Variants in TMEM192 observed in about 807,000 individuals in gnomAD.
The protein encoded by TMEM192 is transmembrane protein 192.
In TMEM192, 20 loss-of-function variants were observed where a neutral mutation model predicts 26.7. That is an observed-to-expected ratio of 0.75 (90% confidence interval 0.53 to 1.09). TMEM192 has a LOEUF of 1.09. Among genes scored for constraint, TMEM192 ranks in the 50% least tolerant of loss-of-function variants. The probability of loss-of-function intolerance (pLI) is 0.00; values close to 1 mark genes in which losing one functional copy is unlikely to be tolerated. For missense variants in TMEM192, 304 were observed against 322.6 expected (o/e 0.94, Z 0.44); for synonymous variants, 124 against 121.0 (o/e 1.02, Z -0.16).
chr4:165,088,683 C>A, intron 3 of TMEM192, 81 bp from the exon 4 acceptor site: 1 of 1,383,502 alleles, frequency 7.2e-7, no homozygotes, highest in South Asian at 1.5e-5. Flanking sequence ...TGGTCTTTGT[C>A]TGGTTCCTTA....
chr4:165,112,644 A>T (rs1735322480), intron 1 of TMEM192, 103 bp downstream of exon 1: 4 of 1,521,106 alleles, frequency 2.6e-6, no homozygotes, highest in Admixed American at 3.8e-5. Context: ...CCGCGGCCGC[A>T]GTCGCCAAGG....
intron 3 of TMEM192, among the ~76,000 whole-genome samples, chr4:165,097,566 AG>A (rs1734940835): frequency 7.8e-6 from 1 of 127,996 alleles, no homozygotes; most frequent in Non-Finnish European, 1.6e-5. Context: ...AATTCTGTGG[AG>A]CCTTTTTTTT....
chr4:165,089,260 C>A (rs1273338930), intron 3 of TMEM192, among the ~76,000 whole-genome samples: 1 of 151,604 alleles, frequency 6.6e-6, no homozygotes, highest in Non-Finnish European at 1.5e-5. Context: ...AACCCTCCTG[C>A]CATATAGGGC....
At chr4:165,105,414 C>A (rs539307324) in intron 1 of TMEM192, among the ~76,000 whole-genome samples, 1 of 152,292 alleles carries the variant, frequency 6.6e-6, no homozygotes, top group Admixed American at 6.5e-5. Context: ...TAAGGGCAAA[C>A]TGCCTGGATT....
chr4:165,096,548 T>C (rs919473239), intron 3 of TMEM192, among the ~76,000 whole-genome samples: 9 of 151,620 alleles, frequency 5.9e-5, no homozygotes, highest in African/African-American at 2.2e-4. Context: ...CTCTGGAAAA[T>C]AACAAAATAT....
chr4:165,080,442 G>GATGATA (rs1734493789), intron 5 of TMEM192, among the ~76,000 whole-genome samples: 1 of 152,092 alleles, frequency 6.6e-6, no homozygotes. Flanking sequence ...GAATAGTGAT[G>GATGATA]ATGATAATGA....
intron 3 of TMEM192, among the ~76,000 whole-genome samples, chr4:165,090,213 G>GGAAA (rs752886922): frequency 3.1e-4 from 16 of 52,068 alleles, no homozygotes; most frequent in African/African-American, 5.5e-4. Context: ...CTCCGTCTTG[G>GGAAA]AAAAAAAAAA....
At chr4:165,084,545 T>A (rs1361821510) in intron 5 of TMEM192, among the ~76,000 whole-genome samples, 1 of 152,030 alleles carries the variant, frequency 6.6e-6, no homozygotes, top group Admixed American at 6.6e-5. Flanking sequence ...TCTGTTGCTA[T>A]CCACTTCAGA....
At chr4:165,109,291 T>C (rs1016988078) in intron 1 of TMEM192, among the ~76,000 whole-genome samples, 1 of 152,246 alleles carries the variant, frequency 6.6e-6, no homozygotes, top group Non-Finnish European at 1.5e-5. Context: ...GTGTTCAATA[T>C]GCGTGTTGAG....
intron 1 of TMEM192, among the ~76,000 whole-genome samples, chr4:165,104,595 A>G (rs1339585786): frequency 2.0e-5 from 3 of 152,138 alleles, no homozygotes; most frequent in African/African-American, 4.8e-5. Context: ...CAGTGGCTCA[A>G]TCTCGGCTCA....
intron 5 of TMEM192, among the ~76,000 whole-genome samples, chr4:165,081,233 CTCTT>C (rs1254243133): frequency 6.4e-5 from 3 of 46,732 alleles, no homozygotes; most frequent in African/African-American, 8.5e-5. Flanking sequence ...GAACCTCCCA[CTCTT>C]TTTTTTTTTT....
At chr4:165,111,398 G>C (rs567723589) in intron 1 of TMEM192, among the ~76,000 whole-genome samples, 4 of 152,260 alleles carry the variant, frequency 2.6e-5, no homozygotes, top group Non-Finnish European at 5.9e-5. Flanking sequence ...CCATCCCCAG[G>C]CTCCAGTGTT....
chr4:165,091,844 G>A (rs1330888463), intron 3 of TMEM192, among the ~76,000 whole-genome samples: 1 of 152,110 alleles, frequency 6.6e-6, no homozygotes, highest in Non-Finnish European at 1.5e-5. Flanking sequence ...ATTTTTAGAA[G>A]TTTGCATTTA....
At position 165,100,686 on chromosome 4, in the gene TMEM192, G is replaced by A. The variant is rs1463048641; in HGVS notation, c.381C>T (p.Asn127=). The A allele has an allele frequency of 1.9e-6, 3 of 1,614,134 alleles. No individual in the cohort carries two copies. Among genetic ancestry groups the A allele is most frequent in the African/African-American group, 1.3e-5 (1 of 75,032 alleles). Reference sequence around the variant, plus strand: ...GATGCCTTGTTGATCGGTAGATCAAGTTATAGCCTCGGTTTCTGATTTTGC... The same window carrying A: ...GATGCCTTGTTGATCGGTAGATCAAATTATAGCCTCGGTTTCTGATTTTGC... The part of the protein sequence containing the change: ...HHSKIRNRGY[N]LIYRSTRHLK... The change falls in exon 3 of 6, where the codon AAC becomes AAT. Residue 127 remains asparagine, a synonymous_variant. Coordinates refer to ENST00000306480, the MANE Select transcript of TMEM192 (RefSeq NM_001100389.2).
chr4:165,104,212 AAAAG>A (rs1401117924), intron 1 of TMEM192, among the ~76,000 whole-genome samples: 1 of 152,158 alleles, frequency 6.6e-6, no homozygotes, highest in Non-Finnish European at 1.5e-5. Context: ...AAAAAAGAAA[AAAAG>A]AATATGGTTC....
rs1325772288 is a variant in TMEM192, at chr4:165,076,070, C to T, written c.*3588G>A. 3 of 151,744 alleles carry T rather than the reference C, an allele frequency of 2.0e-5. No homozygotes were observed. Among genetic ancestry groups the T allele is most frequent in the African/African-American group, 7.3e-5 (3 of 41,330 alleles). The allele number at this position is 151,744 out of a possible 1,614,324, so 9.4% of individuals were successfully genotyped here. The stretch of plus-strand genomic sequence containing the variant: ...AAAAAAGTGTACATTGGTATAATCC[C>T]TTGGTAGTGAGATTTCAAATAATTG... On this transcript the variant is annotated 3_prime_UTR_variant, in exon 6 of 6. Transcript: ENST00000306480.
intron 1 of TMEM192, among the ~76,000 whole-genome samples, chr4:165,103,570 A>C (rs1304248978): frequency 1.4e-5 from 2 of 138,000 alleles, no homozygotes; most frequent in Non-Finnish European, 3.0e-5. Flanking sequence ...GCTGGAGTGC[A>C]CTGGCACAAC....
In TMEM192 at chr4:165,112,853, C is replaced by A; in HGVS notation, c.-80G>T. The A allele has an allele frequency of 6.4e-7, 1 of 1,552,120 alleles. No homozygotes were observed. The highest frequency in any genetic ancestry group is 8.7e-7 in the Non-Finnish European group (1 of 1,153,722). ...GTAAGCCTCTGGCCGCGAAACTCGC[C>A]ACCTTCTGGGACCTGCCAGGCCCCT... is the stretch of plus-strand genomic sequence containing the variant. On this transcript the variant is annotated 5_prime_UTR_variant, in exon 1 of 6. Coordinates refer to ENST00000306480, the MANE Select transcript of TMEM192 (RefSeq NM_001100389.2).
At chr4:165,089,510 A>G (rs1208701686) in intron 3 of TMEM192, among the ~76,000 whole-genome samples, 1 of 152,056 alleles carries the variant, frequency 6.6e-6, no homozygotes, top group East Asian at 1.9e-4. Context: ...TTTTTAGTAG[A>G]GACAGGGTTT....
Sources: allele counts gnomAD v4.1 joint callset (sites outside exome capture counted in the v4.1 genomes callset), GRCh38; gene constraint gnomAD v4.1.1; transcripts MANE v1.5; gene names NCBI Gene and HGNC (gene_info 2026-07-23, HGNC 2026-07-21).